The following ARHGAP10 variants were observed in gnomAD, a reference collection of about 807,000 sequenced individuals.
The protein encoded by ARHGAP10 is rho GTPase-activating protein 10.
A neutral mutation model predicts 108.6 loss-of-function variants in ARHGAP10; 87 were observed. The observed-to-expected ratio is 0.80, with a 90% CI of 0.67 to 0.96. The LOEUF (loss-of-function observed/expected upper bound fraction) is 0.96. ARHGAP10 is among the 40% of genes least tolerant of loss of function. The pLI, the probability that ARHGAP10 is intolerant of heterozygous loss-of-function variation, is 0.00. For synonymous variants in ARHGAP10, 347 were observed against 341.1 expected, an observed-to-expected ratio of 1.02 and a Z score of -0.19; for missense variants, 939 against 954.5, an observed-to-expected ratio of 0.98 and a Z score of 0.21.
At chr4:147,953,830 C>G (rs910128067) in intron 15 of ARHGAP10, among the ~76,000 whole-genome samples, 6 of 151,830 alleles carry the variant, frequency 4.0e-5, no homozygotes, top group Non-Finnish European at 8.8e-5. Context: ...CCTCATAGCT[C>G]ATTAAGGTAC....
intron 1 of ARHGAP10, chr4:147,809,297 C>G (rs928630702): frequency 3.3e-5 from 5 of 152,232 alleles, no homozygotes; most frequent in Non-Finnish European, 7.3e-5. Context: ...TGACCTCTAT[C>G]TGCAGCCGTT....
intron 20 of ARHGAP10, among the ~76,000 whole-genome samples, chr4:148,060,193 C>T (rs1432786428): frequency 6.6e-6 from 1 of 152,028 alleles, no homozygotes; most frequent in Non-Finnish European, 1.5e-5. Flanking sequence ...CAGAAATTCT[C>T]TTCTAAAACT....
chr4:147,739,821 C>T (rs373225572), intron 1 of ARHGAP10, among the ~76,000 whole-genome samples: 13 of 151,532 alleles, frequency 8.6e-5, no homozygotes, highest in Non-Finnish European at 1.0e-4. Context: ...CTGCAACCTC[C>T]GCCTCCCAGG....
At chr4:147,825,344 G>T (rs1732665303) in intron 3 of ARHGAP10, among the ~76,000 whole-genome samples, 1 of 152,164 alleles carries the variant, frequency 6.6e-6, no homozygotes, top group African/African-American at 2.4e-5. Flanking sequence ...CTACTTGGGA[G>T]GCTGAGGCAG....
At chr4:147,770,315 AG>A in intron 1 of ARHGAP10, among the ~76,000 whole-genome samples, 1 of 152,344 alleles carries the variant, frequency 6.6e-6, no homozygotes, top group Middle Eastern at 3.4e-3. Context: ...ATTGGAGGTC[AG>A]GAGTTAGACA....
chr4:147,763,148 G>A (rs974211802), intron 1 of ARHGAP10, among the ~76,000 whole-genome samples: 1 of 152,088 alleles, frequency 6.6e-6, no homozygotes, highest in African/African-American at 2.4e-5. Flanking sequence ...AATCACTTGA[G>A]AAACTTAAAT....
chr4:147,875,452 G>C (rs950086027), intron 8 of ARHGAP10, among the ~76,000 whole-genome samples: 2 of 152,168 alleles, frequency 1.3e-5, no homozygotes, highest in African/African-American at 2.4e-5. Flanking sequence ...AGAATTTGGT[G>C]TAAGGCTGAA....
intron 1 of ARHGAP10, among the ~76,000 whole-genome samples, chr4:147,794,653 A>C (rs1731243012): frequency 6.6e-6 from 1 of 152,112 alleles, no homozygotes; most frequent in Admixed American, 6.6e-5. Context: ...ATATTTTGTT[A>C]TGTTTCATGC....
At chr4:147,955,420 G>C (rs1314248235) in intron 16 of ARHGAP10, 46 bp downstream of exon 16, 1 of 1,538,038 alleles carries the variant, frequency 6.5e-7, no homozygotes, top group Non-Finnish European at 8.8e-7. Context: ...GTAGTTGGTA[G>C]TGAGCATAAA....
intron 20 of ARHGAP10, among the ~76,000 whole-genome samples, chr4:148,049,619 A>G (rs987018726): frequency 1.3e-5 from 2 of 152,044 alleles, no homozygotes; most frequent in Admixed American, 1.3e-4. Flanking sequence ...GGGAGCCTCT[A>G]AAGAGATTCC....
intron 18 of ARHGAP10, among the ~76,000 whole-genome samples, chr4:147,994,050 A>G (rs950277783): frequency 6.6e-6 from 1 of 152,224 alleles, no homozygotes; most frequent in Non-Finnish European, 1.5e-5. Flanking sequence ...TGCTTTATTC[A>G]TTTATAGCCT....
intron 1 of ARHGAP10, among the ~76,000 whole-genome samples, chr4:147,776,201 T>C (rs1298639438): frequency 1.3e-5 from 2 of 152,180 alleles, no homozygotes; most frequent in African/African-American, 4.8e-5. Flanking sequence ...ATGAGGAAAT[T>C]GCCCTTTTGC....
intron 19 of ARHGAP10, among the ~76,000 whole-genome samples, chr4:148,031,652 T>G (rs1728154910): frequency 6.6e-6 from 1 of 152,252 alleles, no homozygotes; most frequent in Non-Finnish European, 1.5e-5. Flanking sequence ...CTATTTATTT[T>G]TTAATTTTAA....
chr4:147,926,461 C>T (rs1737465440), intron 13 of ARHGAP10, among the ~76,000 whole-genome samples: 1 of 152,070 alleles, frequency 6.6e-6, no homozygotes, highest in African/African-American at 2.4e-5. Context: ...TCTAAGCCTC[C>T]CAGACCAGGT....
chr4:147,753,644 G>T (rs1252003667), intron 1 of ARHGAP10, among the ~76,000 whole-genome samples: 2 of 151,952 alleles, frequency 1.3e-5, no homozygotes, highest in African/African-American at 4.8e-5. Context: ...GTGAGCCACT[G>T]CCCCTGGCCT....
chr4:147,825,798 A>G (rs1013608449), intron 3 of ARHGAP10, among the ~76,000 whole-genome samples: 3 of 152,044 alleles, frequency 2.0e-5, no homozygotes, highest in Non-Finnish European at 4.4e-5. Context: ...ACCCTCTTTG[A>G]TAGTTGTACT....
Position 147,735,285 on chromosome 4 carries a change from C to A in ARHGAP10, c.154+2830C>A, listed in dbSNP as rs148431644. The stretch of plus-strand genomic sequence containing the variant: ...ACTCCTTCCTGCACTGTGCTAAATT[C>A]TTGAAGAAACAAAGGATATAGACAC... On this transcript the variant is annotated intron_variant, in intron 1 of 22. Coordinates refer to ENST00000336498, the MANE Select transcript of ARHGAP10 (RefSeq NM_024605.4). Among the ~76,000 whole-genome samples, 322 of 152,278 alleles carry A rather than the reference C, an allele frequency of 2.1e-3. 1 individual carries two copies. The highest frequency in any genetic ancestry group is 0.014 in the Middle Eastern group (4 of 294).
intron 1 of ARHGAP10, among the ~76,000 whole-genome samples, chr4:147,772,324 A>C (rs1029662342): frequency 6.6e-5 from 10 of 152,104 alleles, no homozygotes; most frequent in African/African-American, 2.2e-4. Flanking sequence ...GCCAGTTGAC[A>C]CTTTACATCA....
intron 20 of ARHGAP10, among the ~76,000 whole-genome samples, chr4:148,047,830 CT>C (rs1035720537): frequency 6.6e-6 from 1 of 150,660 alleles, no homozygotes; most frequent in Non-Finnish European, 1.5e-5. Flanking sequence ...CTTTTTTTTT[CT>C]TTTTTTTAAA....
Sources: allele counts gnomAD v4.1 joint callset (sites outside exome capture counted in the v4.1 genomes callset), GRCh38; gene constraint gnomAD v4.1.1; transcripts MANE v1.5; gene names NCBI Gene and HGNC (gene_info 2026-07-23, HGNC 2026-07-21).